CHST11: variants seen among roughly 807,000 people sequenced by gnomAD.
CHST11 encodes carbohydrate sulfotransferase 11.
CHST11 carries 9 observed loss-of-function variants against 30.4 expected under a neutral mutation model. The observed-to-expected ratio is 0.30, with a 90% CI of 0.18 to 0.52. CHST11 has a LOEUF of 0.52. CHST11 is among the 20% of genes least tolerant of loss of function. The pLI, the probability that CHST11 is intolerant of heterozygous loss-of-function variation, is 0.97. For missense variants in CHST11, 348 were observed against 460.6 expected (o/e 0.76, Z 2.24); for synonymous variants, 152 against 187.8 (o/e 0.81, Z 1.56).
At chr12:104,646,580 A>G (rs11112141) in intron 2 of CHST11, among the ~76,000 whole-genome samples, 28,355 of 152,094 alleles carry the variant, frequency 0.19, 2,963 homozygotes, top group Non-Finnish European at 0.23. Context: ...AAAAATACAA[A>G]AAATAGCTGG....
intron 1 of CHST11, among the ~76,000 whole-genome samples, chr12:104,501,177 G>A (rs1269754411): frequency 6.6e-6 from 1 of 152,230 alleles, no homozygotes. Flanking sequence ...GTCTGGGAAC[G>A]GAGTAGAAAG....
intron 2 of CHST11, among the ~76,000 whole-genome samples, chr12:104,731,386 G>C (rs1228987459): frequency 6.6e-6 from 1 of 152,220 alleles, no homozygotes; most frequent in African/African-American, 2.4e-5. Flanking sequence ...CCTGTGCAGC[G>C]AGGTGGCTGT....
intron 1 of CHST11, among the ~76,000 whole-genome samples, chr12:104,483,730 G>A (rs1017409366): frequency 9.9e-5 from 15 of 152,148 alleles, no homozygotes; most frequent in East Asian, 9.6e-4. Context: ...CAAGCTCCAC[G>A]TGTACTTATT....
intron 2 of CHST11, among the ~76,000 whole-genome samples, chr12:104,667,700 C>T (rs796610361): frequency 2.0e-5 from 3 of 152,298 alleles, no homozygotes; most frequent in South Asian, 2.1e-4. Context: ...GTTTCCTCAT[C>T]GGTAAAGCAA....
At chr12:104,617,495 A>T (rs1236269997) in intron 2 of CHST11, among the ~76,000 whole-genome samples, 2 of 152,160 alleles carry the variant, frequency 1.3e-5, no homozygotes, top group Non-Finnish European at 2.9e-5. Context: ...TTTTGTGGGA[A>T]GAGCATGGAA....
chr12:104,641,307 G>A (rs2039374649), intron 2 of CHST11, among the ~76,000 whole-genome samples: 1 of 152,218 alleles, frequency 6.6e-6, no homozygotes, highest in Admixed American at 6.5e-5. Context: ...CCACTGAGCT[G>A]TTAACACTTA....
intron 2 of CHST11, among the ~76,000 whole-genome samples, chr12:104,698,226 AG>A: frequency 6.6e-6 from 1 of 152,272 alleles, no homozygotes; most frequent in Admixed American, 6.5e-5. Flanking sequence ...CTGGCCATCA[AG>A]GCATTTCATC....
intron 2 of CHST11, among the ~76,000 whole-genome samples, chr12:104,666,583 A>T (rs2039644748): frequency 6.6e-6 from 1 of 152,200 alleles, no homozygotes; most frequent in Non-Finnish European, 1.5e-5. Flanking sequence ...ATAAAATGGG[A>T]TGGAATAATA....
intron 1 of CHST11, among the ~76,000 whole-genome samples, chr12:104,475,419 A>G (rs1410216722): frequency 6.6e-6 from 1 of 151,770 alleles, no homozygotes; most frequent in Non-Finnish European, 1.5e-5. Context: ...GGAACATTTG[A>G]GCTGGGCTCT....
chr12:104,506,651 A>G (rs754854392), intron 1 of CHST11, among the ~76,000 whole-genome samples: 2 of 152,214 alleles, frequency 1.3e-5, no homozygotes, highest in African/African-American at 2.4e-5. Flanking sequence ...TGCTAAATTT[A>G]CAGTGATCAC....
chr12:104,481,007 T>A (rs1245121823), intron 1 of CHST11, among the ~76,000 whole-genome samples: 1 of 152,196 alleles, frequency 6.6e-6, no homozygotes, highest in Non-Finnish European at 1.5e-5. Flanking sequence ...GGATGTGGCT[T>A]CTTAGCTTCA....
intron 1 of CHST11, among the ~76,000 whole-genome samples, chr12:104,515,517 A>G (rs1175970339): frequency 6.6e-6 from 1 of 152,164 alleles, no homozygotes; most frequent in Non-Finnish European, 1.5e-5. Context: ...TCATTCATTC[A>G]TTCATTCATT....
intron 2 of CHST11, among the ~76,000 whole-genome samples, chr12:104,719,794 C>T (rs766973087): frequency 6.6e-6 from 1 of 152,106 alleles, no homozygotes; most frequent in East Asian, 1.9e-4. Flanking sequence ...GGAGGGGTGG[C>T]GGGGGCTGCA....
chr12:104,625,102 G>T (rs1253503295), intron 2 of CHST11, among the ~76,000 whole-genome samples: 1 of 152,180 alleles, frequency 6.6e-6, no homozygotes, highest in South Asian at 2.1e-4. Context: ...TGAAGAATCA[G>T]ACTTTGCTAT....
At chr12:104,734,238 T>C (rs1336309796) in intron 2 of CHST11, among the ~76,000 whole-genome samples, 2 of 152,236 alleles carry the variant, frequency 1.3e-5, no homozygotes, top group Non-Finnish European at 2.9e-5. Flanking sequence ...TTAAAAATTT[T>C]AAATCCAACT....
intron 2 of CHST11, among the ~76,000 whole-genome samples, chr12:104,622,671 A>G (rs2039171499): frequency 6.6e-6 from 1 of 152,194 alleles, no homozygotes; most frequent in Admixed American, 6.5e-5. Flanking sequence ...CCTGCCAGGC[A>G]CTAGCTGGGT....
chr12:104,661,372 G>T (rs2039596872), intron 2 of CHST11, among the ~76,000 whole-genome samples: 1 of 151,942 alleles, frequency 6.6e-6, no homozygotes, highest in Non-Finnish European at 1.5e-5. Context: ...GGGCAATATG[G>T]TAATACCCCA....
At chr12:104,606,756 A>G (rs992461104) in intron 2 of CHST11, among the ~76,000 whole-genome samples, 1 of 152,220 alleles carries the variant, frequency 6.6e-6, no homozygotes, top group Non-Finnish European at 1.5e-5. Flanking sequence ...CTGGAATGGC[A>G]TGGAATGGAC....
intron 1 of CHST11, among the ~76,000 whole-genome samples, chr12:104,493,903 A>G (rs1419183186): frequency 6.6e-6 from 1 of 152,180 alleles, no homozygotes. Flanking sequence ...GGCTCACTGC[A>G]GCCTCCATCT....
Sources: gnomAD v4.1 joint callset for allele counts (sites outside exome capture counted in the v4.1 genomes callset) on GRCh38, gnomAD v4.1.1 for gene constraint, MANE v1.5 for transcripts, NCBI Gene and HGNC (gene_info 2026-07-23, HGNC 2026-07-21) for gene names.